The following CPNE8 variants were observed in gnomAD, a reference collection of about 807,000 sequenced individuals.
CPNE8 encodes copine-8.
Under a neutral mutation model 81.5 loss-of-function variants are expected in CPNE8, and 45 were observed. The observed-to-expected ratio is 0.55, with a 90% CI of 0.44 to 0.71. The LOEUF is 0.71. CPNE8 is among the 30% of genes least tolerant of loss of function. The probability of loss-of-function intolerance (pLI) is 0.00; values close to 1 mark genes in which losing one functional copy is unlikely to be tolerated. For missense variants in CPNE8, 594 were observed against 672.1 expected (o/e 0.88, Z 1.28); for synonymous variants, 252 against 226.3 (o/e 1.11, Z -1.02).
chr12:38,717,559 G>A (rs2136727555), intron 13 of CPNE8, among the ~76,000 whole-genome samples: 1 of 150,196 alleles, frequency 6.7e-6, no homozygotes, highest in African/African-American at 2.4e-5. Context: ...AAGTAACTCT[G>A]GAATGCGAAA....
intron 11 of CPNE8, among the ~76,000 whole-genome samples, chr12:38,727,428 T>G (rs570886297): frequency 6.6e-6 from 1 of 152,298 alleles, no homozygotes; most frequent in Admixed American, 6.5e-5. Flanking sequence ...ATATATGTAT[T>G]GAAACACCAC....
intron 6 of CPNE8, among the ~76,000 whole-genome samples, chr12:38,811,938 G>A (rs1942945311): frequency 6.6e-6 from 1 of 152,214 alleles, no homozygotes; most frequent in Admixed American, 6.5e-5. Context: ...TCACAAAGTT[G>A]AAGAAATATG....
At chr12:38,656,924 T>C (rs546096819) in intron 19 of CPNE8, among the ~76,000 whole-genome samples, 2 of 152,236 alleles carry the variant, frequency 1.3e-5, no homozygotes, top group East Asian at 3.9e-4. Flanking sequence ...GATGGCCGAA[T>C]AGGAACAGCT....
chr12:38,904,739 A>G (rs964681068), intron 1 of CPNE8, among the ~76,000 whole-genome samples: 1 of 152,072 alleles, frequency 6.6e-6, no homozygotes, highest in Admixed American at 6.5e-5. Flanking sequence ...AGTGCTGGGA[A>G]TACAGGCGTA....
chr12:38,854,935 G>C (rs924913005), intron 3 of CPNE8, among the ~76,000 whole-genome samples: 4 of 151,944 alleles, frequency 2.6e-5, no homozygotes, highest in African/African-American at 9.7e-5. Flanking sequence ...TAAAAGGCAT[G>C]CAAATTGGAA....
chr12:38,742,711 T>TAAATATAA (rs59403727), intron 10 of CPNE8, among the ~76,000 whole-genome samples: 1 of 145,474 alleles, frequency 6.9e-6, no homozygotes, highest in Non-Finnish European at 1.5e-5. Flanking sequence ...AATAAATAAA[T>TAAATATAA]ATAAAACATA....
At chr12:38,812,549 C>T (rs1184770410) in intron 6 of CPNE8, among the ~76,000 whole-genome samples, 3 of 152,108 alleles carry the variant, frequency 2.0e-5, no homozygotes, top group African/African-American at 7.2e-5. Context: ...ATGACGGTAA[C>T]CACCCCCATG....
At chr12:38,899,053 G>A (rs1944424971) in intron 1 of CPNE8, among the ~76,000 whole-genome samples, 1 of 152,130 alleles carries the variant, frequency 6.6e-6, no homozygotes, top group Admixed American at 6.6e-5. Flanking sequence ...CAACTTTTAT[G>A]GATTATAAAA....
intron 16 of CPNE8, chr12:38,679,656 T>C (rs907055689): frequency 1.0e-6 from 1 of 984,900 alleles, no homozygotes; most frequent in Non-Finnish European, 1.2e-6. Context: ...TAAAACCAGT[T>C]GTTGCTTCTT....
intron 3 of CPNE8, among the ~76,000 whole-genome samples, chr12:38,872,003 C>T (rs1020383463): frequency 3.3e-5 from 5 of 152,012 alleles, no homozygotes; most frequent in East Asian, 1.9e-4. Context: ...GGCATGGTGG[C>T]GCATGCCTGT....
intron 1 of CPNE8, among the ~76,000 whole-genome samples, chr12:38,886,588 G>A (rs921674183): frequency 4.6e-5 from 7 of 152,114 alleles, no homozygotes; most frequent in African/African-American, 1.7e-4. Context: ...GTAGTGTATG[G>A]GAATAGTTAA....
intron 12 of CPNE8, 88 bp from the exon 13 acceptor site, chr12:38,723,921 T>C: frequency 1.3e-6 from 1 of 783,934 alleles, no homozygotes; most frequent in South Asian, 1.6e-5. Flanking sequence ...TCATATTTCT[T>C]TGCATTTTGA....
chr12:38,836,135 A>G (rs1321464969), intron 5 of CPNE8, among the ~76,000 whole-genome samples: 3 of 152,158 alleles, frequency 2.0e-5, no homozygotes, highest in African/African-American at 7.2e-5. Context: ...GTTCACTAGT[A>G]CCTTACAGAA....
At chr12:38,739,686 G>T (rs1336516225) in intron 10 of CPNE8, among the ~76,000 whole-genome samples, 1 of 152,010 alleles carries the variant, frequency 6.6e-6, no homozygotes, top group Non-Finnish European at 1.5e-5. Context: ...CTTTTTAAAA[G>T]TTGATATAAT....
Position 38,761,011 on chromosome 12 carries a change from T to C in CPNE8, c.681-123A>G, listed in dbSNP as rs1592066889. The C allele has an allele frequency of 6.9e-6, 5 of 725,906 alleles. No individual in the cohort carries two copies. In the East Asian group the frequency reaches 9.1e-5, roughly 13 times the overall value. 45.0% of individuals were successfully genotyped at this position (725,906 alleles called of 1,614,324 possible). A position where few individuals can be genotyped will look rare whatever the true frequency, so the allele number is the denominator to read the frequency against. ...AATGTATGCTTGCAGATTTTACATA[T>C]GAATTTGAAGTTAATTTTGCTAATT... On this transcript the variant is annotated intron_variant, in intron 9 of 19. Coordinates refer to ENST00000331366, the MANE Select transcript of CPNE8 (RefSeq NM_153634.3).
At chr12:38,693,615 A>G (rs370670405) in intron 15 of CPNE8, 42 bp downstream of exon 15, 125 of 1,547,264 alleles carry the variant, frequency 8.1e-5, no homozygotes, top group Non-Finnish European at 9.9e-5. Flanking sequence ...AAGGTCTAAC[A>G]TTAATTTTTC....
intron 12 of CPNE8, 48 bp downstream of exon 12, chr12:38,724,798 T>C (rs1165889176): frequency 8.1e-7 from 1 of 1,232,946 alleles, no homozygotes; most frequent in Non-Finnish European, 1.2e-6. Context: ...ACATATATGC[T>C]TATTCATTTA....
rs770991647 is a variant in CPNE8 at position 38,654,122 on chromosome 12, A to G, written c.1507-52T>C. 3.9e-6 allele frequency: 6 copies of G among 1,519,298 alleles called. No individual in the cohort carries two copies. The African/African-American group carries it at 4.2e-5, about 11-fold the overall frequency. 94.1% of individuals were successfully genotyped at this position (1,519,298 alleles called of 1,614,324 possible). On this transcript the variant is annotated intron_variant, in intron 19 of 19. Transcript: ENST00000331366. ...TTCACAGACTTTAGCAGGCTATGTAATAAACACAAAAAATCAACACATGTA... is the reference window on the plus strand; with the variant it reads ...TTCACAGACTTTAGCAGGCTATGTAGTAAACACAAAAAATCAACACATGTA...
chr12:38,808,786 A>T (rs1405325881), intron 6 of CPNE8, among the ~76,000 whole-genome samples: 1 of 150,952 alleles, frequency 6.6e-6, no homozygotes, highest in African/African-American at 2.4e-5. Flanking sequence ...AAGACTATAT[A>T]AAAAAATGCT....
Sources: allele counts gnomAD v4.1 joint callset (sites outside exome capture counted in the v4.1 genomes callset), GRCh38; gene constraint gnomAD v4.1.1; transcripts MANE v1.5; gene names NCBI Gene and HGNC (gene_info 2026-07-23, HGNC 2026-07-21).